NIPSNAP3B: variants seen among roughly 807,000 people sequenced by gnomAD.
NIPSNAP3B encodes the protein nipsnap homolog 3B, also known as protein NipSnap homolog 3B.
NIPSNAP3B carries 30 observed loss-of-function variants against 31.5 expected under a neutral mutation model. The observed-to-expected ratio is 0.95, with a 90% CI of 0.71 to 1.29. NIPSNAP3B has a LOEUF of 1.29. Among genes scored for constraint, NIPSNAP3B ranks in the 50% most tolerant of loss-of-function variants. The probability of loss-of-function intolerance (pLI) is 0.00; values close to 1 mark genes in which losing one functional copy is unlikely to be tolerated. For synonymous variants in NIPSNAP3B, 106 were observed against 107.9 expected (o/e 0.98, Z 0.11); for missense variants, 269 against 300.7 (o/e 0.89, Z 0.78).
chr9:104,769,044 A>G (rs779254759), intron 3 of NIPSNAP3B, 23 bp downstream of exon 3: 2 of 1,566,496 alleles, frequency 1.3e-6, no homozygotes, highest in Admixed American at 1.9e-5. Flanking sequence ...CTCTTAGACT[A>G]TGAGTTTTAA....
At chr9:104,787,241 A>G in the NIPSNAP3B span, among the ~76,000 whole-genome samples, 1 of 152,218 alleles carries the variant, frequency 6.6e-6, no homozygotes, top group African/African-American at 2.4e-5. Context: ...ATAGGGAAGG[A>G]AAAAGGCCAT....
At chr9:104,786,820 A>C in the NIPSNAP3B span, 1 of 1,451,244 alleles carries the variant, frequency 6.9e-7, no homozygotes, top group Non-Finnish European at 9.7e-7. Flanking sequence ...CGCATATTCT[A>C]CTTGGAAAGT....
At chr9:104,764,781 T>G (rs1248039817) in intron 1 of NIPSNAP3B, among the ~76,000 whole-genome samples, 3 of 152,090 alleles carry the variant, frequency 2.0e-5, no homozygotes, top group Non-Finnish European at 4.4e-5. Flanking sequence ...ACTCCTGACC[T>G]CGTGATCCGC....
downstream of NIPSNAP3B, among the ~76,000 whole-genome samples, chr9:104,777,976 C>T (rs1208938264): frequency 2.0e-5 from 3 of 152,112 alleles, no homozygotes; most frequent in Non-Finnish European, 2.9e-5. Flanking sequence ...ATTTACATTC[C>T]TTACTCATCT....
the NIPSNAP3B span, among the ~76,000 whole-genome samples, chr9:104,784,781 C>T: frequency 2.6e-5 from 4 of 152,236 alleles, no homozygotes; most frequent in East Asian, 3.9e-4. Flanking sequence ...GTAGCTGGGA[C>T]TACAAGTGCG....
At chr9:104,790,239 G>C in the NIPSNAP3B span, among the ~76,000 whole-genome samples, 1 of 152,144 alleles carries the variant, frequency 6.6e-6, no homozygotes, top group Non-Finnish European at 1.5e-5. Context: ...CCTAACGGTG[G>C]CTCAGTCAAT....
chr9:104,767,977 C>A (rs1034575142), intron 2 of NIPSNAP3B, among the ~76,000 whole-genome samples: 6 of 152,152 alleles, frequency 3.9e-5, no homozygotes, highest in African/African-American at 1.2e-4. Context: ...CATACTGTTT[C>A]CATCAAACCC....
chr9:104,786,335 A>C, the NIPSNAP3B span: 4 of 1,614,168 alleles, frequency 2.5e-6, no homozygotes, highest in Non-Finnish European at 3.4e-6. Context: ...AGGCACCTGA[A>C]CCTTCCATTG....
Position 104,766,568 on chromosome 9 carries a change from A to T in NIPSNAP3B, c.271+33A>T, listed in dbSNP as rs747191448. ...GTCATCCAGTTTTAGTATTCAGTAT[A>T]GATTTTCATTCTGTTAAATGTAACA... On this transcript the variant is annotated intron_variant, in intron 2 of 5. Coordinates refer to ENST00000374762, the MANE Select transcript of NIPSNAP3B (RefSeq NM_018376.4). 16 of 1,576,114 alleles carry T rather than the reference A, an allele frequency of 1.0e-5. No homozygotes were observed. The East Asian group carries it at 3.6e-4, about 35-fold the overall frequency.
chr9:104,776,519 C>CT lies in NIPSNAP3B; in HGVS notation c.*3447dup, dbSNP rs1266108668. On this transcript the variant is annotated 3_prime_UTR_variant, in exon 6 of 6. Transcript: ENST00000374762. ...TGCATTTATAAGGGCGTGAAGAGCC[C>CT]TCACTGTGAGGAAACCAGAATGTAA... Among the ~76,000 whole-genome samples the CT allele has an allele frequency of 6.6e-6, 1 of 152,068 alleles. No homozygotes were observed.
chr9:104,784,503 C>G, the NIPSNAP3B span: 1 of 1,610,740 alleles, frequency 6.2e-7, no homozygotes, highest in Non-Finnish European at 8.5e-7. Flanking sequence ...TCAACTTGCT[C>G]ATTCTTTATT....
downstream of NIPSNAP3B, among the ~76,000 whole-genome samples, chr9:104,778,238 C>CT (rs545768141): frequency 9.4e-5 from 14 of 149,326 alleles, no homozygotes; most frequent in East Asian, 3.9e-4. Flanking sequence ...AACTTGCACA[C>CT]TTTTTTTTTT....
At chr9:104,788,684 T>TTGAAA in the NIPSNAP3B span, 12 of 1,284,098 alleles carry the variant, frequency 9.3e-6, no homozygotes, top group Non-Finnish European at 1.3e-5. Flanking sequence ...CCAATACATC[T>TTGAAA]GCTGCTACTT....
chr9:104,766,368 C>A lies in NIPSNAP3B; in HGVS notation c.104C>A (p.Thr35Lys), dbSNP rs754356351. Reference protein sequence around the residue: ...FATGPRQYDGTFYEFRTYYLK... With the variant: ...FATGPRQYDGKFYEFRTYYLK... ...ACGGGCCCTAGACAATACGATGGAA[C>A]GTTCTATGAATTTCGTACTTATTAC... The change falls in exon 2 of 6, where the codon ACG (threonine) becomes AAG (lysine). Residue 35 changes from threonine (T) to lysine (K), a missense_variant. Coordinates refer to ENST00000374762, the MANE Select transcript of NIPSNAP3B (RefSeq NM_018376.4). 6.2e-7 allele frequency: 1 copy of A among 1,613,672 alleles called. No individual in the cohort carries two copies.
the NIPSNAP3B span, chr9:104,786,721 G>A: frequency 2.6e-6 from 2 of 772,278 alleles, no homozygotes; most frequent in Non-Finnish European, 2.2e-6. Context: ...TACTGGGCTT[G>A]CATTTTTGTA....
At chr9:104,768,474 C>T (rs978000315) in intron 2 of NIPSNAP3B, among the ~76,000 whole-genome samples, 1 of 152,188 alleles carries the variant, frequency 6.6e-6, no homozygotes, top group Non-Finnish European at 1.5e-5. Context: ...GTGCCAAACA[C>T]CATTCTAAGC....
rs954150408 is a variant in NIPSNAP3B, at chr9:104,776,685, C to G, written c.*3612C>G. On this transcript the variant is annotated 3_prime_UTR_variant, in exon 6 of 6. Transcript: ENST00000374762. ...AGCAACCTGAACTAAGACACTATCC[C>G]TCTCCCCTGCTTTCTTTTTCTGTTA... is the stretch of plus-strand genomic sequence containing the variant. Among the ~76,000 whole-genome samples, 4 of 152,168 alleles carry G rather than the reference C, an allele frequency of 2.6e-5. No individual in the cohort carries two copies. Among genetic ancestry groups the G allele is most frequent in the African/African-American group, 9.7e-5 (4 of 41,432 alleles).
chr9:104,782,811 G>A, the NIPSNAP3B span: 2 of 149,208 alleles, frequency 1.3e-5, no homozygotes, highest in Admixed American at 1.3e-4. Flanking sequence ...TTAGACTTGT[G>A]ACCCTTATAC....
At chr9:104,788,022 G>A in the NIPSNAP3B span, 86 of 1,614,158 alleles carry the variant, frequency 5.3e-5, 1 homozygote, top group African/African-American at 6.7e-4. Context: ...CATACTTCAC[G>A]AGGCCCAGTT....
Sources: allele counts gnomAD v4.1 joint callset (sites outside exome capture counted in the v4.1 genomes callset), GRCh38; gene constraint gnomAD v4.1.1; transcripts MANE v1.5; gene names NCBI Gene and HGNC (gene_info 2026-07-23, HGNC 2026-07-21).